Variants in DDX23 observed in about 807,000 individuals in gnomAD.
DDX23 encodes DEAD-box helicase 23.
Under a neutral mutation model 102.7 loss-of-function variants are expected in DDX23, and 33 were observed. The ratio of observed to expected loss-of-function variants is 0.32; its 90% CI spans 0.24 to 0.43. The LOEUF (loss-of-function observed/expected upper bound fraction) is 0.43, where lower values mean the gene tolerates loss of function less well. Among genes scored for constraint, DDX23 ranks in the 20% least tolerant of loss-of-function variants. The probability of loss-of-function intolerance (pLI) is 1.00; values close to 1 mark genes in which losing one functional copy is unlikely to be tolerated. For missense variants in DDX23, 549 were observed against 1,086.6 expected (o/e 0.51, Z 6.96); for synonymous variants, 352 against 376.0 (o/e 0.94, Z 0.74).
In DDX23 at chr12:48,834,349, G is replaced by A. The variant is rs764459089; in HGVS notation, c.1531C>T (p.Gln511Ter). 6.2e-7 allele frequency: 1 copy of A among 1,614,006 alleles called. No individual in the cohort carries two copies. The highest frequency in any genetic ancestry group is 1.7e-5 in the Admixed American group (1 of 59,962). ...AVIGGISRED[Q>*]GFRLRMGCEI... ...CAACCCATGCGCAGCCTGAAGCCCT[G>A]GTCTTCTCTGGAGATGCCACCAATG... The change falls in exon 12 of 17, where the codon CAG becomes TAG. Residue 511 changes from glutamine (Q) to a stop codon, truncating the protein, a stop_gained. Transcript: ENST00000308025. LOFTEE classifies it high-confidence loss of function.
At chr12:48,840,198 C>G (rs1434193644) in intron 3 of DDX23, 92 bp from the exon 4 acceptor site, 7 of 1,007,292 alleles carry the variant, frequency 6.9e-6, no homozygotes, top group Middle Eastern at 2.4e-4. Flanking sequence ...GGAAGTTTCC[C>G]CATGACTCAA....
chr12:48,837,920 T>TACA, intron 6 of DDX23, 22 bp downstream of exon 6: 1 of 1,612,226 alleles, frequency 6.2e-7, no homozygotes, highest in Non-Finnish European at 8.5e-7. Context: ...ATCTAGGGGC[T>TACA]ACACAGGGTA....
intron 11 of DDX23, chr12:48,834,988 T>C (rs1938446637): frequency 6.2e-6 from 1 of 161,746 alleles, no homozygotes; most frequent in Admixed American, 6.1e-5. Context: ...CACAAGCCTA[T>C]AATCCGAGCA....
chr12:48,851,365 C>G (rs1422054993), intron 1 of DDX23, among the ~76,000 whole-genome samples: 1 of 151,798 alleles, frequency 6.6e-6, no homozygotes, highest in Admixed American at 6.6e-5. Context: ...CACAGCTACT[C>G]GGGAGGCTGA....
intron 3 of DDX23, among the ~76,000 whole-genome samples, chr12:48,842,463 CCCGCCCGGCCAGCCACCCCG>C (rs1938578494): frequency 7.1e-6 from 1 of 141,404 alleles, no homozygotes; most frequent in African/African-American, 2.6e-5. Context: ...GGGTCAGCCC[CCCGCCCGGCCAGCCACCCCG>C]TCCGGGAGGA....
Position 48,844,042 on chromosome 12 carries a change from C to A in DDX23, c.218G>T (p.Arg73Leu). The change falls in exon 3 of 17, where the codon CGG becomes CTG. Residue 73 changes from arginine to leucine, a missense_variant. Transcript: ENST00000308025. Reference protein sequence around the residue: ...SRSKSAERERRHKERERDKER... With the variant: ...SRSKSAERERLHKERERDKER... ...CTTATCTCGTTCTCGTTCTTTGTGC[C>A]GTCGTTCTCTGGAAGACCGCAAATT... The A allele has an allele frequency of 6.2e-7, 1 of 1,614,076 alleles. No individual in the cohort carries two copies.
At chr12:48,835,684 T>C (rs1238971404) in intron 11 of DDX23, among the ~76,000 whole-genome samples, 1 of 152,154 alleles carries the variant, frequency 6.6e-6, no homozygotes, top group Admixed American at 6.5e-5. Flanking sequence ...CACTCCAGCC[T>C]GGGCAACAAG....
Position 48,830,818 on chromosome 12 carries a change from C to G in DDX23, c.2240-126G>C. Reference sequence around the variant, plus strand: ...AAGGCAGGAATACAGCACATGCTGCCTGAACCTGAGGCGCCCACAGTGCCC... The same window carrying G: ...AAGGCAGGAATACAGCACATGCTGCGTGAACCTGAGGCGCCCACAGTGCCC... On this transcript the variant is annotated intron_variant, in intron 16 of 16. Transcript: ENST00000308025. The surrounding 1 kb of genome is among the most constrained non-coding windows in gnomAD (Gnocchi z 4.9). 9.4e-7 allele frequency: 1 copy of G among 1,064,270 alleles called. No individual in the cohort carries two copies. The highest frequency in any genetic ancestry group is 1.3e-6 in the Non-Finnish European group (1 of 748,180). 65.9% of individuals were successfully genotyped at this position (1,064,270 alleles called of 1,614,324 possible).
intron 12 of DDX23, 154 bp from the exon 13 acceptor site, chr12:48,833,673 G>C (rs1188143752): frequency 2.2e-6 from 2 of 901,724 alleles, no homozygotes; most frequent in Non-Finnish European, 3.3e-6. Context: ...CCTGCAAACT[G>C]GCATGAAATC....
chr12:48,840,084 CTT>C lies in DDX23; in HGVS notation c.341_342del (p.Lys114ArgfsTer3), dbSNP rs767315889. 6.2e-7 allele frequency: 1 copy of C among 1,613,988 alleles called. No individual in the cohort carries two copies. The highest frequency in any genetic ancestry group is 8.5e-7 in the Non-Finnish European group (1 of 1,179,966). ...KRSSLSPGRG[K>X]DFKSRKDRDS... Reference sequence around the variant, plus strand: ...TCTCTGTCCTTCCGAGATTTAAAGTCTTTTCCTCGACCAGGAGATAAGCTTTG... The same window carrying C: ...TCTCTGTCCTTCCGAGATTTAAAGTCTTCCTCGACCAGGAGATAAGCTTTG... On this transcript the variant is annotated frameshift_variant, in exon 4 of 17. Transcript: ENST00000308025. LOFTEE classifies it high-confidence loss of function.
At chr12:48,846,982 T>TTCTCGCAACTTATTTTATCCCC (rs1938678667) in intron 1 of DDX23, among the ~76,000 whole-genome samples, 1 of 152,196 alleles carries the variant, frequency 6.6e-6, no homozygotes, top group Admixed American at 6.5e-5. Context: ...TGGGATACAT[T>TTCTCGCAACTTATTTTATCCCC]TCTCGCAACT....
intron 1 of DDX23, among the ~76,000 whole-genome samples, chr12:48,848,568 A>T (rs1361050792): frequency 7.0e-6 from 1 of 142,216 alleles, no homozygotes; most frequent in African/African-American, 2.5e-5. Context: ...CTAGCTTAGC[A>T]TGTTTGTCAG....
intron 3 of DDX23, 83 bp from the exon 4 acceptor site, chr12:48,840,189 G>A (rs768325810): frequency 9.0e-7 from 1 of 1,105,846 alleles, no homozygotes; most frequent in East Asian, 2.4e-5. Context: ...AAAGAGAATG[G>A]AAGTTTCCCC....
Position 48,832,731 on chromosome 12 carries a change from A to G in DDX23, c.1804-158T>C. 1 of 909,000 alleles carries G rather than the reference A, an allele frequency of 1.1e-6. No homozygotes were observed. The highest frequency in any genetic ancestry group is 1.6e-6 in the Non-Finnish European group (1 of 628,040). 56.3% of individuals were successfully genotyped at this position (909,000 alleles called of 1,614,324 possible). A position where few individuals can be genotyped will look rare whatever the true frequency, so the allele number is the denominator to read the frequency against. ...AGAAAATAGTGTCCTCTGAATTCCC[A>G]TCCTTCCTGAGTACCTGCTCATCAA... On this transcript the variant is annotated intron_variant, in intron 13 of 16. Coordinates refer to ENST00000308025, the MANE Select transcript of DDX23 (RefSeq NM_004818.3). The surrounding 1 kb of genome is among the most constrained non-coding windows in gnomAD (Gnocchi z 4.4).
chr12:48,839,985 G>A (rs766331404), intron 4 of DDX23, 28 bp downstream of exon 4: 2 of 1,611,710 alleles, frequency 1.2e-6, no homozygotes, highest in African/African-American at 1.3e-5. Flanking sequence ...ACGAGTTGAA[G>A]ATGAAAAATA....
intron 3 of DDX23, among the ~76,000 whole-genome samples, chr12:48,841,457 C>T (rs111717983): frequency 8.5e-5 from 13 of 152,258 alleles, no homozygotes; most frequent in Non-Finnish European, 1.5e-4. Flanking sequence ...CCCCTCTCCC[C>T]TCTCCCCACG....
Position 48,830,364 on chromosome 12 carries a change from C to G in DDX23, c.*105G>C, listed in dbSNP as rs746883566. ...GGGAGTTGGATTGTTTTCCTAAGCC[C>G]CCATATCCCAAGAGTGAGGACCTGG... On this transcript the variant is annotated 3_prime_UTR_variant, in exon 17 of 17. Transcript: ENST00000308025. This position sits in a 1 kb window ranked among gnomAD's most constrained non-coding sequence, Gnocchi z 4.9. 4 of 1,337,600 alleles carry G rather than the reference C, an allele frequency of 3.0e-6. No homozygotes were observed. Among genetic ancestry groups the G allele is most frequent in the African/African-American group, 1.4e-5 (1 of 69,408 alleles). 82.9% of individuals were successfully genotyped at this position (1,337,600 alleles called of 1,614,324 possible).
rs755607818 is a variant in DDX23 at position 48,834,411 on chromosome 12, T to C, written c.1469A>G (p.Lys490Arg). Residue 490 changes from lysine (K) to arginine (R), a missense_variant, in exon 12 of 17, where the codon AAG becomes AGG. By Grantham distance (26) the Lys-to-Arg change is conservative. Around this residue, in one of 4 missense-constraint regions of DDX23, gnomAD observed 270 missense variants for 707.0 expected, o/e 0.38. Coordinates refer to ENST00000308025, the MANE Select transcript of DDX23 (RefSeq NM_004818.3). ...LAQQIEEETI[K>R]FGKPLGIRTV... ...GCGGATACCTAGCGGTTTCCCAAACTTGATGGTCTCTTCCTCAATCTGTTG... is the reference window on the plus strand; with the variant it reads ...GCGGATACCTAGCGGTTTCCCAAACCTGATGGTCTCTTCCTCAATCTGTTG... 1.9e-6 allele frequency: 3 copies of C among 1,614,102 alleles called. No homozygotes were observed. Among genetic ancestry groups the C allele is most frequent in the East Asian group, 4.5e-5 (2 of 44,878 alleles).
intron 11 of DDX23, among the ~76,000 whole-genome samples, chr12:48,835,772 C>A (rs1938460993): frequency 6.6e-6 from 1 of 151,940 alleles, no homozygotes; most frequent in South Asian, 2.1e-4. Flanking sequence ...CGCCTGTAAT[C>A]CCCAGCTACT....
Sources: gnomAD v4.1 joint callset for allele counts (sites outside exome capture counted in the v4.1 genomes callset) on GRCh38, gnomAD v4.1.1 for gene constraint, gnomAD v4.1.1 regional missense constraint, Gnocchi (gnomAD v3.1) non-coding constraint, MANE v1.5 for transcripts, NCBI Gene and HGNC (gene_info 2026-07-23, HGNC 2026-07-21) for gene names.